Variants in HSF2 observed in about 807,000 individuals in gnomAD.
The protein encoded by HSF2 is heat shock transcription factor 2.
In HSF2, 21 loss-of-function variants were observed where a neutral mutation model predicts 65.0. That is an observed-to-expected ratio of 0.32 (90% CI 0.23 to 0.47). The LOEUF is 0.47. HSF2 is among the 20% of genes least tolerant of loss of function. The pLI, the probability that HSF2 is intolerant of heterozygous loss-of-function variation, is 1.00. For synonymous variants in HSF2, 225 were observed against 219.1 expected (o/e 1.03, Z -0.24); for missense variants, 499 against 628.1 (o/e 0.79, Z 2.20).
At chr6:122,411,662 C>T (rs573121013) in intron 1 of HSF2, among the ~76,000 whole-genome samples, 149 of 151,960 alleles carry the variant, frequency 9.8e-4, no homozygotes, top group African/African-American at 3.0e-3. Context: ...CCAGTTTTCC[C>T]AGCACCATTT....
intron 5 of HSF2, among the ~76,000 whole-genome samples, chr6:122,418,633 T>C (rs963448874): frequency 2.1e-4 from 32 of 152,268 alleles, no homozygotes; most frequent in African/African-American, 7.2e-4. Flanking sequence ...TTTCTTTGGT[T>C]GCAAGCAGAG....
At chr6:122,429,276 C>CTGGACAT (rs1774408987) in intron 11 of HSF2, among the ~76,000 whole-genome samples, 1 of 152,048 alleles carries the variant, frequency 6.6e-6, no homozygotes, top group South Asian at 2.1e-4. Context: ...TTATTTGCGA[C>CTGGACAT]TGGACATTGA....
chr6:122,416,217 A>G lies in HSF2; in HGVS notation c.456-4A>G, dbSNP rs774876294. On this transcript the variant is annotated splice_polypyrimidine_tract_variant and splice_region_variant and intron_variant, in intron 4 of 12. Coordinates refer to ENST00000368455, the MANE Select transcript of HSF2 (RefSeq NM_004506.4). ...GTTTTGTTGCTTAATAAATTATAAC[A>G]TAGTGAGAATGAGTCCCTTTGGAAG... 2.5e-6 allele frequency: 4 copies of G among 1,580,258 alleles called. No individual in the cohort carries two copies. The highest frequency in any genetic ancestry group is 1.3e-5 in the African/African-American group (1 of 74,328).
chr6:122,426,993 C>T (rs1032154539), intron 10 of HSF2, among the ~76,000 whole-genome samples: 7 of 152,010 alleles, frequency 4.6e-5, no homozygotes, highest in Admixed American at 3.3e-4. Context: ...TAGTCTTCTC[C>T]TTTCCAAGTT....
In HSF2 at chr6:122,424,505, A is replaced by G. The variant is rs17084530; in HGVS notation, c.1176+819A>G. On this transcript the variant is annotated intron_variant, in intron 10 of 12. Coordinates refer to ENST00000368455, the MANE Select transcript of HSF2 (RefSeq NM_004506.4). The stretch of plus-strand genomic sequence containing the variant: ...AAGAATTAGTTCTTTCTGCTCTTCA[A>G]TCTTATTTCAAGTTCATTAATTTAC... Among the ~76,000 whole-genome samples, 1,100 of 152,046 alleles carry G rather than the reference A, an allele frequency of 7.2e-3. 16 individuals are homozygous for G. Among genetic ancestry groups the G allele is most frequent in the East Asian group, 0.044 (228 of 5,160 alleles).
intron 9 of HSF2, 24 bp from the exon 10 acceptor site, chr6:122,423,557 T>A: frequency 7.3e-7 from 1 of 1,366,696 alleles, no homozygotes; most frequent in Non-Finnish European, 1.0e-6. Context: ...TAATATTTGA[T>A]TAAAAAAATT....
chr6:122,411,452 A>G (rs572488671), intron 1 of HSF2, among the ~76,000 whole-genome samples: 7 of 151,824 alleles, frequency 4.6e-5, no homozygotes, highest in African/African-American at 7.2e-5. Flanking sequence ...GATTTGATGT[A>G]GTTCCATTTG....
chr6:122,426,044 C>T (rs1425275201), intron 10 of HSF2, among the ~76,000 whole-genome samples: 3 of 152,048 alleles, frequency 2.0e-5, no homozygotes, highest in Non-Finnish European at 2.9e-5. Flanking sequence ...CTCTTTCTCT[C>T]ATCATTCACT....
intron 1 of HSF2, among the ~76,000 whole-genome samples, chr6:122,410,230 G>C (rs949506653): frequency 6.6e-6 from 1 of 151,692 alleles, no homozygotes; most frequent in Non-Finnish European, 1.5e-5. Flanking sequence ...AATTAAGACA[G>C]AATTTAATGT....
intron 5 of HSF2, among the ~76,000 whole-genome samples, chr6:122,418,867 A>G (rs987300007): frequency 5.9e-5 from 9 of 152,184 alleles, no homozygotes; most frequent in African/African-American, 2.4e-5. Flanking sequence ...AATGTTGCCT[A>G]TCAAACACCA....
chr6:122,413,154 A>G (rs542931200), intron 3 of HSF2, among the ~76,000 whole-genome samples: 16 of 152,126 alleles, frequency 1.1e-4, no homozygotes, highest in Admixed American at 9.2e-4. Flanking sequence ...AAAGGGGTGG[A>G]CCATGAAAGA....
rs777310861 is a variant in HSF2 at position 122,413,518 on chromosome 6, T to C, written c.331-7T>C. 22 of 1,552,234 alleles carry C rather than the reference T, an allele frequency of 1.4e-5. No homozygotes were observed. The highest frequency in any genetic ancestry group is 1.9e-5 in the Non-Finnish European group (22 of 1,133,744). On this transcript the variant is annotated splice_region_variant and splice_polypyrimidine_tract_variant and intron_variant, in intron 3 of 12. Transcript: ENST00000368455. ...TTCTTTGATTTTCTAAATTTACTTT[T>C]TCAAAGGTTTCATCTTCAAAACCAG...
At chr6:122,416,863 C>T (rs949561449) in intron 5 of HSF2, among the ~76,000 whole-genome samples, 4 of 152,178 alleles carry the variant, frequency 2.6e-5, no homozygotes, top group Non-Finnish European at 4.4e-5. Flanking sequence ...GGAATCCCTC[C>T]GTTTCATTGT....
intron 1 of HSF2, among the ~76,000 whole-genome samples, chr6:122,408,595 AT>A (rs1389759682): frequency 6.6e-6 from 1 of 152,074 alleles, no homozygotes; most frequent in African/African-American, 2.4e-5. Flanking sequence ...AATACAAGTA[AT>A]TTTTGTATAT....
intron 1 of HSF2, among the ~76,000 whole-genome samples, chr6:122,402,696 A>G (rs1329868103): frequency 6.6e-6 from 1 of 151,908 alleles, no homozygotes; most frequent in Non-Finnish European, 1.5e-5. Context: ...GTGATTACAG[A>G]TGCGCACCAC....
Position 122,399,696 on chromosome 6 carries a change from G to C in HSF2, c.-42G>C. 2.6e-6 allele frequency: 4 copies of C among 1,559,254 alleles called. No homozygotes were observed. The highest frequency in any genetic ancestry group is 3.5e-6 in the Non-Finnish European group (4 of 1,137,092). ...CGTAGCTGCCGCCGCCGCTACCACC[G>C]CGTTCGGGTGTAGAATTTGGAATCC... On this transcript the variant is annotated 5_prime_UTR_variant, in exon 1 of 13. Coordinates refer to ENST00000368455, the MANE Select transcript of HSF2 (RefSeq NM_004506.4).
chr6:122,405,422 C>CT (rs1397696038), intron 1 of HSF2, among the ~76,000 whole-genome samples: 2 of 152,068 alleles, frequency 1.3e-5, no homozygotes, highest in Non-Finnish European at 2.9e-5. Flanking sequence ...AATAGAGTTA[C>CT]TGACTATATC....
intron 11 of HSF2, among the ~76,000 whole-genome samples, chr6:122,429,141 T>C (rs1335171541): frequency 6.6e-6 from 1 of 152,220 alleles, no homozygotes; most frequent in Admixed American, 6.5e-5. Flanking sequence ...CCTGGATTTA[T>C]ATTACAAGAT....
Position 122,422,282 on chromosome 6 carries a change from A to G in HSF2, c.814A>G (p.Ile272Val), listed in dbSNP as rs368809093. Residue 272 changes from isoleucine (I) to valine (V), a missense_variant, in exon 8 of 13, where the codon ATA becomes GTA. Physicochemically the swap from Ile to Val is conservative, Grantham distance 29. Transcript: ENST00000368455. ...PVIPETNEDV[I>V]SDPSNCSQYP... The stretch of plus-strand genomic sequence containing the variant: ...TATTCCAGAAACTAATGAGGATGTT[A>G]TATCTGATCCCTCCAAGTAAGGAGT... 5.4e-5 allele frequency: 86 copies of G among 1,599,232 alleles called. No individual in the cohort carries two copies. The highest frequency in any genetic ancestry group is 7.2e-5 in the Non-Finnish European group (84 of 1,167,786).
Sources: allele counts gnomAD v4.1 joint callset (sites outside exome capture counted in the v4.1 genomes callset), GRCh38; gene constraint gnomAD v4.1.1; transcripts MANE v1.5; gene names NCBI Gene and HGNC (gene_info 2026-07-23, HGNC 2026-07-21).